UGT3A1: variants seen among roughly 807,000 people sequenced by gnomAD.
The protein encoded by UGT3A1 is UDP glycosyltransferase family 3 member A1.
UGT3A1 carries 40 observed loss-of-function variants against 37.6 expected under a neutral mutation model. That is an observed-to-expected ratio of 1.06 (90% CI 0.83 to 1.38). The LOEUF is 1.38. Among genes scored for constraint, UGT3A1 ranks in the 40% most tolerant of loss-of-function variants. The pLI is 0.00. For synonymous variants in UGT3A1, 256 were observed against 232.3 expected (o/e 1.10, Z -0.93); for missense variants, 642 against 634.2 (o/e 1.01, Z -0.13).
In UGT3A1 at chr5:35,965,490, A is replaced by G; in HGVS notation, c.739T>C (p.Trp247Arg). ...AAGGCAAAATCAGAGTTAACAAACC[A>G]CAACTCTGCTTTCAGTAGAAGATGA... is the stretch of plus-strand genomic sequence containing the variant. ...LSHLLLKAEL[W>R]FVNSDFAFDF... The change falls in exon 4 of 7, where the codon TGG becomes CGG. Residue 247 changes from tryptophan (W) to arginine (R), a missense_variant. By Grantham distance (101) the Trp-to-Arg change is moderately radical. Coordinates refer to ENST00000274278, the MANE Select transcript of UGT3A1 (RefSeq NM_152404.4). 1 of 1,614,244 alleles carries G rather than the reference A, an allele frequency of 6.2e-7. No individual in the cohort carries two copies.
In UGT3A1 at chr5:35,952,808, A is replaced by G. The variant is rs913232471; in HGVS notation, c.*1394T>C. ...ACTCTAATGTACTTCTGCGTGCTTC[A>G]TGCTTCTGGCTCTTGTGTCATGAGA... is the stretch of plus-strand genomic sequence containing the variant. On this transcript the variant is annotated 3_prime_UTR_variant, in exon 7 of 7. Transcript: ENST00000274278. 6.6e-6 allele frequency: 1 copy of G among 152,164 alleles called. No individual in the cohort carries two copies. The highest frequency in any genetic ancestry group is 1.5e-5 in the Non-Finnish European group (1 of 68,026). The allele number at this position is 152,164 out of a possible 1,614,324, so 9.4% of individuals were successfully genotyped here. A position where few individuals can be genotyped will look rare whatever the true frequency, so the allele number is the denominator to read the frequency against.
intron 2 of UGT3A1, among the ~76,000 whole-genome samples, chr5:35,973,515 C>T (rs1740136353): frequency 6.6e-6 from 1 of 152,046 alleles, no homozygotes; most frequent in Non-Finnish European, 1.5e-5. Flanking sequence ...AAAGGGTGGA[C>T]TACACTAAAT....
chr5:35,993,543 T>C (rs1354396576), upstream of UGT3A1, among the ~76,000 whole-genome samples: 2 of 151,840 alleles, frequency 1.3e-5, no homozygotes, highest in Admixed American at 6.6e-5. Context: ...TACATGAAAA[T>C]TGTGTACTTC....
chr5:35,988,225 A>C (rs1380500705), intron 2 of UGT3A1, among the ~76,000 whole-genome samples: 1 of 152,180 alleles, frequency 6.6e-6, no homozygotes, highest in Non-Finnish European at 1.5e-5. Flanking sequence ...ATAGAATGAC[A>C]CCCAGGTAAG....
At chr5:35,968,197 G>A in intron 2 of UGT3A1, 64 bp from the exon 3 acceptor site, 1 of 927,776 alleles carries the variant, frequency 1.1e-6, no homozygotes, top group Non-Finnish European at 1.6e-6. Flanking sequence ...ACATTAGCAT[G>A]ATGATATTAA....
chr5:35,963,490 A>G (rs566157212), intron 4 of UGT3A1, among the ~76,000 whole-genome samples: 2 of 152,248 alleles, frequency 1.3e-5, no homozygotes, highest in South Asian at 2.1e-4. Context: ...TATTTTCTCT[A>G]TCAGAAGCAG....
upstream of UGT3A1, among the ~76,000 whole-genome samples, chr5:35,992,182 T>C (rs1393641442): frequency 1.3e-5 from 2 of 152,238 alleles, no homozygotes; most frequent in Admixed American, 1.3e-4. Flanking sequence ...GAATTCTGCT[T>C]GTACTATTCT....
At chr5:35,979,913 C>A (rs1740451289) in intron 2 of UGT3A1, among the ~76,000 whole-genome samples, 1 of 152,310 alleles carries the variant, frequency 6.6e-6, no homozygotes, top group East Asian at 1.9e-4. Flanking sequence ...AGAGCTTGTG[C>A]AGGGAGACTC....
Position 35,965,933 on chromosome 5 carries a change from T to C in UGT3A1, c.312-16A>G, listed in dbSNP as rs1253141830. 2 of 1,473,052 alleles carry C rather than the reference T, an allele frequency of 1.4e-6. No individual in the cohort carries two copies. The highest frequency in any genetic ancestry group is 2.9e-5 in the South Asian group (2 of 69,562). The allele number at this position is 1,473,052 out of a possible 1,614,324, so 91.2% of individuals were successfully genotyped here. ...AGATTCTTTTCTGTAATAAAGAAAA[T>C]AAATAATAAATATTTGGGAAAGTGT... On this transcript the variant is annotated splice_polypyrimidine_tract_variant and intron_variant, in intron 3 of 6. Transcript: ENST00000274278.
At chr5:35,979,443 G>T (rs113590482) in intron 2 of UGT3A1, among the ~76,000 whole-genome samples, 19,759 of 152,152 alleles carry the variant, frequency 0.13, 1,867 homozygotes, top group East Asian at 0.38. Context: ...CAAGTTCAAA[G>T]TTCCACAAAT....
At chr5:35,977,104 G>GAGAA (rs35357419) in intron 2 of UGT3A1, among the ~76,000 whole-genome samples, 103,638 of 136,500 alleles carry the variant, frequency 0.76, 39,517 homozygotes, top group South Asian at 0.84. Context: ...AAGAAAGAAA[G>GAGAA]AGAAAGAGAG....
At chr5:35,959,711 A>G (rs1739501600) in intron 4 of UGT3A1, among the ~76,000 whole-genome samples, 1 of 152,188 alleles carries the variant, frequency 6.6e-6, no homozygotes, top group African/African-American at 2.4e-5. Context: ...GTGCACTACG[A>G]GAGAAAATGA....
At position 35,953,303 on chromosome 5, in the gene UGT3A1, T is replaced by G. The variant is rs1304197219; in HGVS notation, c.*899A>C. 6.6e-6 allele frequency: 1 copy of G among 152,356 alleles called. No homozygotes were observed. The highest frequency in any genetic ancestry group is 1.5e-5 in the Non-Finnish European group (1 of 68,040). 9.4% of individuals were successfully genotyped at this position (152,356 alleles called of 1,614,324 possible). A position where few individuals can be genotyped will look rare whatever the true frequency, so the allele number is the denominator to read the frequency against. On this transcript the variant is annotated 3_prime_UTR_variant, in exon 7 of 7. Transcript: ENST00000274278. ...CACAACAGCCCTGAATGGGCTACCTTCGGGCTTTATCAAGAAAGATGAAAC... is the reference window on the plus strand; with the variant it reads ...CACAACAGCCCTGAATGGGCTACCTGCGGGCTTTATCAAGAAAGATGAAAC...
At chr5:35,993,512 T>C (rs926837978), upstream of UGT3A1, among the ~76,000 whole-genome samples, 1 of 151,866 alleles carries the variant, frequency 6.6e-6, no homozygotes, top group South Asian at 2.1e-4. Flanking sequence ...CATGAATGAC[T>C]ATTTTTCCCT....
In UGT3A1 at chr5:35,955,662, T is replaced by G. The variant is rs1481046965; in HGVS notation, c.1278A>C (p.Gln426His). Residue 426 changes from glutamine (Q) to histidine (H), a missense_variant, in exon 6 of 7, where the codon CAA (glutamine) becomes CAC (histidine). Physicochemically the swap from Gln to His is conservative, Grantham distance 24. Coordinates refer to ENST00000274278, the MANE Select transcript of UGT3A1 (RefSeq NM_152404.4). Reference protein sequence around the residue: ...TADTLTLTMKQVIEDKRYKSA... With the variant: ...TADTLTLTMKHVIEDKRYKSA... ...CCACATACCTCTTGTCTTCTATGAC[T>G]TGTTTCATTGTAAGTGTCAGTGTGT... is the stretch of plus-strand genomic sequence containing the variant. 1.2e-6 allele frequency: 2 copies of G among 1,614,250 alleles called. No individual in the cohort carries two copies. Among genetic ancestry groups the G allele is most frequent in the Admixed American group, 1.7e-5 (1 of 60,032 alleles).
At chr5:35,972,175 G>A (rs767396780) in intron 2 of UGT3A1, among the ~76,000 whole-genome samples, 1 of 152,140 alleles carries the variant, frequency 6.6e-6, no homozygotes, top group Non-Finnish European at 1.5e-5. Context: ...GCTTGGCTAG[G>A]AGAGAGTACA....
chr5:35,992,047 C>A (rs533013352), upstream of UGT3A1, among the ~76,000 whole-genome samples: 11 of 152,298 alleles, frequency 7.2e-5, no homozygotes, highest in East Asian at 2.1e-3. Context: ...GATCACTACA[C>A]CAGGTATGGT....
At chr5:35,985,657 G>A (rs939320047) in intron 2 of UGT3A1, among the ~76,000 whole-genome samples, 11 of 152,198 alleles carry the variant, frequency 7.2e-5, no homozygotes, top group African/African-American at 2.2e-4. Context: ...CTGGATATAC[G>A]CAAAGAACAA....
Position 35,965,747 on chromosome 5 carries a change from G to A in UGT3A1, c.482C>T (p.Pro161Leu), listed in dbSNP as rs1055072222. 1 of 1,614,018 alleles carries A rather than the reference G, an allele frequency of 6.2e-7. No homozygotes were observed. Among genetic ancestry groups the A allele is most frequent in the African/African-American group, 1.3e-5 (1 of 74,908 alleles). ...TGTGGTGGGAAGAATGGCCACAAAT[G>A]GTTTCACAAGCTTCTCAGCAATCAG... is the stretch of plus-strand genomic sequence containing the variant. Reference protein sequence around the residue: ...SFLIAEKLVKPFVAILPTTFG... With the variant: ...SFLIAEKLVKLFVAILPTTFG... Residue 161 changes from proline (P) to leucine (L), a missense_variant, in exon 4 of 7, where the codon CCA becomes CTA. Pro to Leu is a moderately conservative substitution (Grantham distance 98). Transcript: ENST00000274278.
Sources: allele counts gnomAD v4.1 joint callset (sites outside exome capture counted in the v4.1 genomes callset), GRCh38; gene constraint gnomAD v4.1.1; transcripts MANE v1.5; gene names NCBI Gene and HGNC (gene_info 2026-07-23, HGNC 2026-07-21).